The following ACACB variants were observed in gnomAD, a reference collection of about 807,000 sequenced individuals.
ACACB encodes the protein acetyl-CoA carboxylase beta.
In ACACB, 209 loss-of-function variants were observed where a neutral mutation model predicts 278.8. The observed-to-expected ratio is 0.75, with a 90% CI of 0.67 to 0.84. The LOEUF is 0.84. Among genes scored for constraint, ACACB ranks in the 40% least tolerant of loss-of-function variants. The pLI is 0.00. For synonymous variants in ACACB, 1,174 were observed against 1,285.6 expected, an observed-to-expected ratio of 0.91 and a Z score of 1.86; for missense variants, 2,850 against 3,269.0, an observed-to-expected ratio of 0.87 and a Z score of 3.13.
Position 109,262,411 on chromosome 12 carries a change from T to G in ACACB, c.6729T>G (p.Asp2243Glu). ...GTVEIKFRKK[D>E]LIKSMRRIDP... ...TGGAGATTAAGTTCCGAAAGAAAGA[T>G]CTGATAAAGTCCATGAGAAGGATCG... Residue 2243 changes from aspartate to glutamate, a missense_variant, in exon 49 of 53, where the codon GAT becomes GAG. Coordinates refer to ENST00000338432, the MANE Select transcript of ACACB (RefSeq NM_001093.4). 1 of 1,613,666 alleles carries G rather than the reference T, an allele frequency of 6.2e-7. No individual in the cohort carries two copies. Among genetic ancestry groups the G allele is most frequent in the Non-Finnish European group, 8.5e-7 (1 of 1,179,874 alleles).
intron 21 of ACACB, among the ~76,000 whole-genome samples, chr12:109,209,795 A>G (rs537373764): frequency 3.8e-4 from 56 of 147,872 alleles, no homozygotes; most frequent in African/African-American, 1.1e-3. Context: ...ATCTGTGTGT[A>G]TATATATATA....
chr12:109,219,667 G>A (rs1010002387), intron 24 of ACACB, among the ~76,000 whole-genome samples: 4 of 152,174 alleles, frequency 2.6e-5, no homozygotes, highest in South Asian at 2.1e-4. Flanking sequence ...AAGAGAGAGT[G>A]TGTATGTGTA....
rs978621100 is a variant in ACACB at position 109,235,358 on chromosome 12, A to G, written c.4393A>G (p.Ile1465Val). 1.9e-5 allele frequency: 30 copies of G among 1,613,926 alleles called. No homozygotes were observed. Among genetic ancestry groups the G allele is most frequent in the Non-Finnish European group, 2.4e-5 (28 of 1,179,928 alleles). The change falls in exon 32 of 53, where the codon ATT becomes GTT. Residue 1465 changes from isoleucine (I) to valine (V), a missense_variant. Around this residue, in one of 3 missense-constraint regions of ACACB, gnomAD observed 2,265 missense variants for 2,561.3 expected, o/e 0.88. Coordinates refer to ENST00000338432, the MANE Select transcript of ACACB (RefSeq NM_001093.4). ...TGGACTCCGACGAATCACATTCTTG[A>G]TTGCCCAAGAGGTTAGTTCACAGTT... is the stretch of plus-strand genomic sequence containing the variant. ...DYGLRRITFL[I>V]AQEKEFPKFF...
At position 109,237,203 on chromosome 12, in the gene ACACB, C is replaced by T. The variant is rs779840257; in HGVS notation, c.4485C>T (p.Ala1495=). 1.9e-6 allele frequency: 3 copies of T among 1,614,138 alleles called. No individual in the cohort carries two copies. The South Asian group carries it at 3.3e-5, about 18-fold the overall frequency. The change falls in exon 34 of 53, where the codon GCC becomes GCT. Residue 1495 remains alanine, a synonymous_variant. Transcript: ENST00000338432. ...EDRIYRHLEP[A]LAFQLELNRM... is the part of the protein sequence containing the mutation. ...GCATTTACCGTCACTTGGAACCTGC[C>T]CTGGCCTTCCAGCTGGAACTTAACC...
rs1380838784 is a variant in ACACB, at chr12:109,259,048, C to T, written c.6436C>T (p.Arg2146Trp). Residue 2146 changes from arginine to tryptophan, a missense_variant, in exon 47 of 53, where the codon CGG becomes TGG. By Grantham distance (101) the Arg-to-Trp change is moderately radical (BLOSUM62 -3). Transcript: ENST00000338432. ...CGCCCAGGCCGTCAAGGACTTCAAC[C>T]GGGAGAAGTTGCCCCTGATGATCTT... ...KTAQAVKDFN[R>W]EKLPLMIFAN... 8.1e-6 allele frequency: 13 copies of T among 1,613,984 alleles called. No homozygotes were observed. The highest frequency in any genetic ancestry group is 2.7e-5 in the African/African-American group (2 of 74,898).
At chr12:109,218,482 C>A (rs1161420589) in intron 24 of ACACB, among the ~76,000 whole-genome samples, 1 of 152,168 alleles carries the variant, frequency 6.6e-6, no homozygotes, top group Non-Finnish European at 1.5e-5. Flanking sequence ...CCTTGGCCTC[C>A]CAAAGTGCTG....
intron 1 of ACACB, among the ~76,000 whole-genome samples, chr12:109,117,596 C>G (rs1026960724): frequency 6.6e-6 from 1 of 152,006 alleles, no homozygotes; most frequent in Non-Finnish European, 1.5e-5. Flanking sequence ...TGGTATAAAC[C>G]CCCCAGACCT....
chr12:109,220,398 G>A (rs1054033216), intron 24 of ACACB, among the ~76,000 whole-genome samples: 2 of 152,162 alleles, frequency 1.3e-5, no homozygotes, highest in Admixed American at 1.3e-4. Context: ...GGCTTTTAAA[G>A]GGACCTAGTT....
chr12:109,206,596 TC>T lies in ACACB; in HGVS notation c.2914-113del, dbSNP rs1168018789. Reference sequence around the variant, plus strand: ...TTGTCTTTGATTTTTTCCTCAGACCTCATCCTCACTTGATTACGGAAGCCGG... The same window carrying T: ...TTGTCTTTGATTTTTTCCTCAGACCTATCCTCACTTGATTACGGAAGCCGG... On this transcript the variant is annotated intron_variant, in intron 19 of 52. Transcript: ENST00000338432. 5 of 1,209,140 alleles carry T rather than the reference TC, an allele frequency of 4.1e-6. No homozygotes were observed. In the African/African-American group the frequency reaches 7.7e-5, roughly 19 times the overall value. The allele number at this position is 1,209,140 out of a possible 1,614,324, so 74.9% of individuals were successfully genotyped here. A position where few individuals can be genotyped will look rare whatever the true frequency, so the allele number is the denominator to read the frequency against.
At chr12:109,182,558 T>A (rs997651678) in intron 11 of ACACB, among the ~76,000 whole-genome samples, 1 of 152,016 alleles carries the variant, frequency 6.6e-6, no homozygotes, top group Non-Finnish European at 1.5e-5. Flanking sequence ...TTTGTACAGA[T>A]AAGGTCTCAC....
chr12:109,259,962 C>A, intron 47 of ACACB: 1 of 820,396 alleles, frequency 1.2e-6, no homozygotes. Flanking sequence ...GGGTTAAGAA[C>A]AGGACCAACC....
intron 41 of ACACB, among the ~76,000 whole-genome samples, chr12:109,250,336 A>G (rs1275531409): frequency 6.6e-6 from 1 of 152,096 alleles, no homozygotes; most frequent in Non-Finnish European, 1.5e-5. Flanking sequence ...TAAATACGTA[A>G]GGGTAGATCT....
intron 37 of ACACB, among the ~76,000 whole-genome samples, chr12:109,243,040 C>G (rs2046844114): frequency 1.3e-5 from 2 of 152,028 alleles, no homozygotes; most frequent in Admixed American, 1.3e-4. Flanking sequence ...GTATTTTTCT[C>G]CAAATAAGAC....
chr12:109,209,576 C>T (rs139010563), intron 21 of ACACB, among the ~76,000 whole-genome samples: 16 of 152,192 alleles, frequency 1.1e-4, no homozygotes, highest in African/African-American at 3.6e-4. Flanking sequence ...CCTTAGGCCT[C>T]ATTGCCTAAA....
rs1056660793 is a variant in ACACB, at chr12:109,139,846, C to T, written c.441C>T (p.Pro147=). 1.2e-6 allele frequency: 2 copies of T among 1,614,142 alleles called. No homozygotes were observed. Among genetic ancestry groups the T allele is most frequent in the Non-Finnish European group, 1.7e-6 (2 of 1,179,992 alleles). Residue 147 remains proline (P), a synonymous_variant, in exon 2 of 53, where the codon CCC becomes CCT. Transcript: ENST00000338432. The stretch of plus-strand genomic sequence containing the variant: ...CCCAGGGCCAGCAAGCTGGCTCCCC[C>T]TCCAAAGAAGACAAGAAGCAGGCAA... ...ARPQGQQAGS[P]SKEDKKQANI... is the part of the protein sequence containing the mutation.
At chr12:109,224,049 A>G (rs2046251085) in intron 27 of ACACB, 145 bp downstream of exon 27, 1 of 746,446 alleles carries the variant, frequency 1.3e-6, no homozygotes, top group South Asian at 1.6e-5. Context: ...TAATAGTCCC[A>G]TCTTACAGAG....
At chr12:109,181,051 G>C (rs2044448847) in intron 11 of ACACB, among the ~76,000 whole-genome samples, 1 of 151,570 alleles carries the variant, frequency 6.6e-6, no homozygotes, top group South Asian at 2.1e-4. Flanking sequence ...TTAATTTTTA[G>C]CTCCCACAAA....
At chr12:109,203,803 G>A (rs938524785) in intron 19 of ACACB, among the ~76,000 whole-genome samples, 1 of 152,190 alleles carries the variant, frequency 6.6e-6, no homozygotes, top group Non-Finnish European at 1.5e-5. Flanking sequence ...CTGAGGTCAA[G>A]GACTACTTTC....
chr12:109,213,439 A>T (rs747522303), intron 22 of ACACB, among the ~76,000 whole-genome samples: 21 of 152,232 alleles, frequency 1.4e-4, no homozygotes, highest in Non-Finnish European at 2.8e-4. Flanking sequence ...AGACAATGGG[A>T]TGAAATAGCT....
Sources: gnomAD v4.1 joint callset for allele counts (sites outside exome capture counted in the v4.1 genomes callset) on GRCh38, gnomAD v4.1.1 for gene constraint, gnomAD v4.1.1 regional missense constraint, MANE v1.5 for transcripts, NCBI Gene and HGNC (gene_info 2026-07-23, HGNC 2026-07-21) for gene names.